The following MAPKAP1 variants were observed in gnomAD, a reference collection of about 807,000 sequenced individuals.
The protein encoded by MAPKAP1 is MAPK associated protein 1, also known as target of rapamycin complex 2 subunit MAPKAP1.
A neutral mutation model predicts 65.7 loss-of-function variants in MAPKAP1; 20 were observed. The observed-to-expected ratio is 0.30, with a 90% CI of 0.21 to 0.44. MAPKAP1 has a LOEUF of 0.44. Ranked by LOEUF, MAPKAP1 falls within the 20% of genes least tolerant of loss-of-function variation. The pLI is 1.00. For synonymous variants in MAPKAP1, 222 were observed against 244.3 expected (o/e 0.91, Z 0.85); for missense variants, 423 against 648.0 (o/e 0.65, Z 3.77).
At chr9:125,648,907 C>T (rs1833810466) in intron 4 of MAPKAP1, among the ~76,000 whole-genome samples, 2 of 151,710 alleles carry the variant, frequency 1.3e-5, no homozygotes, top group Non-Finnish European at 2.9e-5. Context: ...CACCACTGCA[C>T]TCCAGCCTAG....
At chr9:125,521,851 C>T in intron 7 of MAPKAP1, 1 of 1,267,356 alleles carries the variant, frequency 7.9e-7, no homozygotes, top group South Asian at 1.3e-5. Context: ...TGACTCCAAC[C>T]TGAGTCAGTG....
At chr9:125,617,741 A>G (rs953549872) in intron 4 of MAPKAP1, among the ~76,000 whole-genome samples, 1 of 152,250 alleles carries the variant, frequency 6.6e-6, no homozygotes, top group African/African-American at 2.4e-5. Context: ...AGTTAAAAAA[A>G]TATTGTTCAG....
intron 9 of MAPKAP1, among the ~76,000 whole-genome samples, chr9:125,476,365 C>T (rs569176622): frequency 4.6e-5 from 7 of 152,038 alleles, no homozygotes; most frequent in Non-Finnish European, 8.8e-5. Flanking sequence ...AATTACTGAA[C>T]GGACCCAGGG....
chr9:125,519,043 G>A (rs1039572062), intron 7 of MAPKAP1, among the ~76,000 whole-genome samples: 15 of 152,184 alleles, frequency 9.9e-5, no homozygotes, highest in Non-Finnish European at 2.2e-4. Flanking sequence ...AAAATGAGGT[G>A]GAAAAATCTC....
At chr9:125,486,263 ACTAT>A (rs1458026016) in intron 8 of MAPKAP1, among the ~76,000 whole-genome samples, 1 of 152,212 alleles carries the variant, frequency 6.6e-6, no homozygotes, top group Middle Eastern at 3.2e-3. Flanking sequence ...GCAAAGTTAA[ACTAT>A]CTCTCAGTCC....
chr9:125,596,092 G>C, intron 4 of MAPKAP1: 1 of 960,868 alleles, frequency 1.0e-6, no homozygotes, highest in Non-Finnish European at 1.7e-6. Flanking sequence ...CGAGGCAGTG[G>C]CAAGAAAAGG....
Position 125,595,648 on chromosome 9 carries a change from A to T in MAPKAP1, c.499-9921T>A. The stretch of plus-strand genomic sequence containing the variant: ...TGGACACGCCAAGGAAGCATCGTTA[A>T]AGTCTCTCTTCTCCCTGCCGTCCTA... On this transcript the variant is annotated intron_variant, in intron 4 of 11. Coordinates refer to ENST00000265960, the MANE Select transcript of MAPKAP1 (RefSeq NM_001006617.3). This position sits in a 1 kb window ranked among gnomAD's most constrained non-coding sequence, Gnocchi z 4.0. 6.8e-7 allele frequency: 1 copy of T among 1,476,268 alleles called. No homozygotes were observed. Among genetic ancestry groups the T allele is most frequent in the Non-Finnish European group, 8.9e-7 (1 of 1,118,566 alleles). The allele number at this position is 1,476,268 out of a possible 1,614,324, so 91.4% of individuals were successfully genotyped here.
intron 7 of MAPKAP1, 117 bp downstream of exon 7, chr9:125,542,942 C>T (rs776697575): frequency 9.7e-6 from 8 of 823,636 alleles, no homozygotes; most frequent in Non-Finnish European, 2.2e-6. Context: ...GCTAACCAAA[C>T]CTTCTAGCAA....
At chr9:125,688,714 T>C (rs1835064445) in intron 1 of MAPKAP1, among the ~76,000 whole-genome samples, 1 of 151,984 alleles carries the variant, frequency 6.6e-6, no homozygotes, top group Non-Finnish European at 1.5e-5. Context: ...ATACAAAAAT[T>C]AGCTGGCCGT....
intron 5 of MAPKAP1, among the ~76,000 whole-genome samples, chr9:125,574,638 C>T (rs898181582): frequency 6.6e-6 from 1 of 152,140 alleles, no homozygotes; most frequent in African/African-American, 2.4e-5. Flanking sequence ...TGTCCTAAGT[C>T]CACAGGGCAT....
At chr9:125,451,881 C>A (rs1476250723) in intron 10 of MAPKAP1, among the ~76,000 whole-genome samples, 1 of 149,238 alleles carries the variant, frequency 6.7e-6, no homozygotes, top group Admixed American at 6.7e-5. Flanking sequence ...GCGATCTCAG[C>A]TCACTGCAAC....
chr9:125,591,706 A>C (rs1474574561), intron 4 of MAPKAP1, among the ~76,000 whole-genome samples: 1 of 152,220 alleles, frequency 6.6e-6, no homozygotes, highest in Non-Finnish European at 1.5e-5. Context: ...AGGTGGTGGC[A>C]GTTAGCTCTA....
chr9:125,483,735 T>C (rs149129100), intron 9 of MAPKAP1, among the ~76,000 whole-genome samples: 1 of 152,308 alleles, frequency 6.6e-6, no homozygotes, highest in Non-Finnish European at 1.5e-5. Context: ...ACTTGACTGC[T>C]CTGTACCTCA....
At chr9:125,528,408 T>A (rs1262906127) in intron 7 of MAPKAP1, among the ~76,000 whole-genome samples, 2 of 152,172 alleles carry the variant, frequency 1.3e-5, no homozygotes, top group Non-Finnish European at 1.5e-5. Context: ...CCTGCCTGCA[T>A]CAAGGAGGGG....
At chr9:125,554,520 T>C (rs994120876) in intron 6 of MAPKAP1, among the ~76,000 whole-genome samples, 7 of 152,130 alleles carry the variant, frequency 4.6e-5, no homozygotes, top group Non-Finnish European at 1.0e-4. Context: ...TTTTCTAGGT[T>C]AGGAGCGGTG....
Position 125,594,584 on chromosome 9 carries a change from T to C in MAPKAP1, c.499-8857A>G, listed in dbSNP as rs554674398. On this transcript the variant is annotated intron_variant, in intron 4 of 11. Transcript: ENST00000265960. ...CTTCTTCTGTCCTTCAATTCAAATATCACCTCTTCCAAGAAGGTAGAAGAC... is the reference window on the plus strand; with the variant it reads ...CTTCTTCTGTCCTTCAATTCAAATACCACCTCTTCCAAGAAGGTAGAAGAC... 2.0e-5 allele frequency among the ~76,000 whole-genome samples: 3 copies of C among 152,298 alleles called. No homozygotes were observed. In the East Asian group the frequency reaches 5.8e-4, roughly 29 times the overall value.
intron 7 of MAPKAP1, among the ~76,000 whole-genome samples, chr9:125,511,688 T>C (rs529012129): frequency 6.6e-6 from 1 of 152,342 alleles, no homozygotes; most frequent in Admixed American, 6.5e-5. Context: ...TCTATGAATA[T>C]ACTTTTTGCC....
At chr9:125,687,277 C>T (rs1279574311) in intron 1 of MAPKAP1, among the ~76,000 whole-genome samples, 1 of 152,076 alleles carries the variant, frequency 6.6e-6, no homozygotes, top group Non-Finnish European at 1.5e-5. Context: ...TAAAAAGGCA[C>T]AGTGTTTTGC....
At chr9:125,701,019 T>C (rs1317401052) in intron 1 of MAPKAP1, among the ~76,000 whole-genome samples, 2 of 152,096 alleles carry the variant, frequency 1.3e-5, no homozygotes, top group African/African-American at 4.8e-5. Context: ...AAGAGCTGAG[T>C]AGTGGTTCCT....
Sources: allele counts gnomAD v4.1 joint callset (sites outside exome capture counted in the v4.1 genomes callset), GRCh38; gene constraint gnomAD v4.1.1; non-coding constraint Gnocchi (gnomAD v3.1); transcripts MANE v1.5; gene names NCBI Gene and HGNC (gene_info 2026-07-23, HGNC 2026-07-21).